ANOS1: variants seen among roughly 807,000 people sequenced by gnomAD.
The protein encoded by ANOS1 is anosmin 1, also known as anosmin-1.
Under a neutral mutation model 59.0 loss-of-function variants are expected in ANOS1, and 6 were observed. That is an observed-to-expected ratio of 0.10 (90% CI 0.06 to 0.20). The LOEUF (loss-of-function observed/expected upper bound fraction) is 0.20. ANOS1 is among the 10% of genes least tolerant of loss of function. The pLI is 1.00. For synonymous variants in ANOS1, 217 were observed against 223.4 expected (o/e 0.97, Z 0.25); for missense variants, 433 against 542.3 (o/e 0.80, Z 2.00).
chrX:8,578,294 TTGGGGTAG>T (rs971754468), intron 6 of ANOS1, among the ~76,000 whole-genome samples: 14 of 101,495 alleles, frequency 1.4e-4, no homozygotes, highest in Non-Finnish European at 1.2e-4. Context: ...GACTTGGCAG[TTGGGGTAG>T]TGTTCCTTCT....
In ANOS1 at chrX:8,529,210, C is replaced by T. The variant is rs774377888; in HGVS notation, c.*3785G>A. The T allele has an allele frequency of 4.9e-4, 54 of 111,319 alleles. No homozygotes were observed. Among genetic ancestry groups the T allele is most frequent in the Non-Finnish European group, 8.3e-4 (44 of 53,083 alleles). 9.2% of individuals were successfully genotyped at this position (111,319 alleles called of 1,213,427 possible). A position where few individuals can be genotyped will look rare whatever the true frequency, so the allele number is the denominator to read the frequency against. On this transcript the variant is annotated 3_prime_UTR_variant, in exon 14 of 14. Transcript: ENST00000262648. ...TTATATAGACCTCTGTTAATCACTC[C>T]GTAAATCATATAACTCACTAGAATA... is the stretch of plus-strand genomic sequence containing the variant.
At chrX:8,619,022 G>A (rs189053358) in intron 3 of ANOS1, among the ~76,000 whole-genome samples, 133 of 92,266 alleles carry the variant, frequency 1.4e-3, no homozygotes, top group African/African-American at 5.4e-3. Context: ...GCAGTGAGCC[G>A]AGATCATGAC....
At chrX:8,590,006 CTT>C (rs752347442) in intron 4 of ANOS1, among the ~76,000 whole-genome samples, 1 of 112,101 alleles carries the variant, frequency 8.9e-6, no homozygotes, top group African/African-American at 3.2e-5. Flanking sequence ...GGCCACCTGA[CTT>C]TACTCCCTTC....
intron 2 of ANOS1, among the ~76,000 whole-genome samples, chrX:8,688,550 T>C (rs1476254401): frequency 8.9e-6 from 1 of 112,429 alleles, no homozygotes; most frequent in Non-Finnish European, 1.9e-5. Context: ...TTTCATCAGA[T>C]GGAAGAAGAA....
intron 4 of ANOS1, among the ~76,000 whole-genome samples, chrX:8,591,013 G>A (rs1930606561): frequency 9.0e-6 from 1 of 111,492 alleles, no homozygotes; most frequent in Non-Finnish European, 1.9e-5. Flanking sequence ...AAGATAGAAC[G>A]TTTTTATTAC....
intron 2 of ANOS1, among the ~76,000 whole-genome samples, chrX:8,659,261 A>T (rs1307563867): frequency 9.8e-6 from 1 of 102,081 alleles, no homozygotes; most frequent in Non-Finnish European, 2.0e-5. Flanking sequence ...CTATGTATAT[A>T]TTAGTAGGGT....
chrX:8,567,366 A>T (rs1930133915), intron 8 of ANOS1, among the ~76,000 whole-genome samples: 1 of 111,803 alleles, frequency 8.9e-6, no homozygotes, highest in South Asian at 3.7e-4. Context: ...GGCATGCCAC[A>T]CCACTTTTTG....
chrX:8,669,595 T>TAA (rs199519416), intron 2 of ANOS1, among the ~76,000 whole-genome samples: 1,510 of 104,306 alleles, frequency 0.014, 8 homozygotes, highest in Non-Finnish European at 0.02. Flanking sequence ...CCAAAACTGC[T>TAA]AAAAAAAAAA....
chrX:8,666,989 C>G (rs1049083840), intron 2 of ANOS1, among the ~76,000 whole-genome samples: 5 of 111,764 alleles, frequency 4.5e-5, no homozygotes, highest in East Asian at 2.8e-4. Flanking sequence ...ATACCCTGCT[C>G]TAGGCTAATT....
At chrX:8,631,175 C>T (rs932916244) in intron 2 of ANOS1, among the ~76,000 whole-genome samples, 3 of 112,295 alleles carry the variant, frequency 2.7e-5, no homozygotes, top group Admixed American at 9.4e-5. Flanking sequence ...TGTTGTCCAA[C>T]AAGCTATTGA....
intron 1 of ANOS1, among the ~76,000 whole-genome samples, chrX:8,717,924 C>T (rs181861170): frequency 1.0e-3 from 111 of 109,488 alleles, no homozygotes; most frequent in African/African-American, 3.4e-3. Context: ...ATTAGCCAAG[C>T]GTGGTGGTAC....
At chrX:8,610,750 A>C in intron 3 of ANOS1, among the ~76,000 whole-genome samples, 1 of 111,650 alleles carries the variant, frequency 9.0e-6, no homozygotes. Flanking sequence ...TAATGGGATA[A>C]ATTGGGCCTA....
chrX:8,726,053 C>T (rs749107330), intron 1 of ANOS1, among the ~76,000 whole-genome samples: 46 of 110,472 alleles, frequency 4.2e-4, no homozygotes, highest in African/African-American at 1.5e-3. Flanking sequence ...GCCTGGCCAT[C>T]CTGCAATATA....
intron 2 of ANOS1, among the ~76,000 whole-genome samples, 160 bp from the exon 3 acceptor site, chrX:8,623,830 G>T (rs1004321276): frequency 9.0e-6 from 1 of 111,336 alleles, no homozygotes; most frequent in African/African-American, 3.3e-5. Context: ...GGTATAACAC[G>T]AATCTGAGCA....
intron 3 of ANOS1, among the ~76,000 whole-genome samples, chrX:8,598,837 A>G (rs1470404883): frequency 8.9e-6 from 1 of 112,429 alleles, no homozygotes; most frequent in African/African-American, 3.2e-5. Flanking sequence ...ATGCCTGTGC[A>G]TAGCCAGGTT....
At chrX:8,583,300 T>C (rs1413763938) in intron 6 of ANOS1, among the ~76,000 whole-genome samples, 2 of 111,593 alleles carry the variant, frequency 1.8e-5, no homozygotes, top group Admixed American at 9.5e-5. Context: ...TGAAGGATCT[T>C]ATCGGGGTGA....
intron 1 of ANOS1, among the ~76,000 whole-genome samples, chrX:8,728,500 G>T (rs1013870794): frequency 2.7e-5 from 3 of 111,559 alleles, no homozygotes; most frequent in African/African-American, 9.8e-5. Context: ...ACCCATTCGC[G>T]ACGCTACAGA....
chrX:8,717,136 C>T (rs150238413), intron 1 of ANOS1, among the ~76,000 whole-genome samples: 208 of 111,754 alleles, frequency 1.9e-3, no homozygotes, highest in African/African-American at 5.7e-3. Flanking sequence ...GAAACGCATG[C>T]ATAATATACA....
intron 9 of ANOS1, among the ~76,000 whole-genome samples, chrX:8,548,222 T>G (rs2146793550): frequency 8.9e-6 from 1 of 112,162 alleles, no homozygotes; most frequent in Non-Finnish European, 1.9e-5. Context: ...ATGAAAAGAT[T>G]CTGCCACCAG....
Sources: allele counts gnomAD v4.1 joint callset (sites outside exome capture counted in the v4.1 genomes callset), GRCh38; gene constraint gnomAD v4.1.1; transcripts MANE v1.5; gene names NCBI Gene and HGNC (gene_info 2026-07-23, HGNC 2026-07-21).